The following CDH12 variants were observed in gnomAD, a reference collection of about 807,000 sequenced individuals.
The protein encoded by CDH12 is cadherin-12.
Under a neutral mutation model 74.1 loss-of-function variants are expected in CDH12, and 41 were observed. The ratio of observed to expected loss-of-function variants is 0.55; its 90% CI spans 0.43 to 0.72. CDH12 has a LOEUF of 0.72. Among genes scored for constraint, CDH12 ranks in the 30% least tolerant of loss-of-function variants. The pLI is 0.00. For synonymous variants in CDH12, 399 were observed against 355.0 expected (o/e 1.12, Z -1.39); for missense variants, 945 against 977.2 (o/e 0.97, Z 0.44).
chr5:22,773,033 G>A (rs1317478644), intron 1 of CDH12, among the ~76,000 whole-genome samples: 1 of 151,922 alleles, frequency 6.6e-6, no homozygotes. Flanking sequence ...AATACTCTAT[G>A]TTCATTGATT....
At chr5:22,759,737 A>C (rs938206180) in intron 1 of CDH12, among the ~76,000 whole-genome samples, 3 of 152,210 alleles carry the variant, frequency 2.0e-5, no homozygotes, top group African/African-American at 7.2e-5. Context: ...AGTTCTCCAG[A>C]TAAATAGAAA....
chr5:21,769,321 A>G (rs1010401325), intron 11 of CDH12, among the ~76,000 whole-genome samples: 2 of 152,116 alleles, frequency 1.3e-5, no homozygotes, highest in Non-Finnish European at 2.9e-5. Context: ...TAAAATGATT[A>G]TTGCTTAAAG....
intron 8 of CDH12, among the ~76,000 whole-genome samples, chr5:21,832,671 G>T (rs1288387330): frequency 6.8e-6 from 1 of 148,068 alleles, no homozygotes; most frequent in Non-Finnish European, 1.5e-5. Flanking sequence ...ATTCTCATGA[G>T]ATACACAATT....
At chr5:22,670,899 T>A (rs985125428) in intron 1 of CDH12, among the ~76,000 whole-genome samples, 2 of 152,106 alleles carry the variant, frequency 1.3e-5, no homozygotes, top group Non-Finnish European at 2.9e-5. Context: ...TTTTTTTTCT[T>A]TTAAAAATTC....
At chr5:22,658,420 T>C (rs936623412) in intron 1 of CDH12, among the ~76,000 whole-genome samples, 6 of 152,296 alleles carry the variant, frequency 3.9e-5, no homozygotes, top group Middle Eastern at 3.4e-3. Context: ...GTATATATTT[T>C]CTTCTATGCT....
chr5:22,631,880 A>C lies in CDH12; in HGVS notation c.-522-126516T>G, dbSNP rs551174963. Among the ~76,000 whole-genome samples the C allele has an allele frequency of 3.9e-5, 6 of 152,230 alleles. No homozygotes were observed. In the South Asian group the frequency reaches 1.2e-3, roughly 32 times the overall value. ...CCAGATCTTGTGAGAACTCTATCAC[A>C]AGACAGCACCAAGGGGTCGGTGTTA... On this transcript the variant is annotated intron_variant, in intron 1 of 14. Transcript: ENST00000382254.
intron 1 of CDH12, among the ~76,000 whole-genome samples, chr5:22,577,130 C>T (rs894052116): frequency 4.6e-5 from 7 of 152,116 alleles, no homozygotes; most frequent in African/African-American, 1.7e-4. Context: ...CAGAGACAGG[C>T]GGCTTGGGGA....
At chr5:22,634,600 G>T (rs115981434) in intron 1 of CDH12, among the ~76,000 whole-genome samples, 74 of 152,124 alleles carry the variant, frequency 4.9e-4, no homozygotes, top group African/African-American at 1.7e-3. Flanking sequence ...AAGCAAAAAT[G>T]GGCATAAATC....
chr5:22,576,290 C>A (rs1477972260), intron 1 of CDH12, among the ~76,000 whole-genome samples: 1 of 152,148 alleles, frequency 6.6e-6, no homozygotes, highest in East Asian at 1.9e-4. Context: ...ACCTTTCTCA[C>A]AATCCACAGA....
At chr5:22,409,441 C>G (rs544551932) in intron 2 of CDH12, among the ~76,000 whole-genome samples, 1 of 151,928 alleles carries the variant, frequency 6.6e-6, no homozygotes. Context: ...TTCTCCAATT[C>G]AAAACCAATT....
chr5:22,540,510 A>G (rs755807554), intron 1 of CDH12, among the ~76,000 whole-genome samples: 8 of 152,290 alleles, frequency 5.3e-5, no homozygotes, highest in Admixed American at 3.3e-4. Context: ...TTCTAAAGCT[A>G]TTTTTAATAC....
chr5:22,288,251 C>T lies in CDH12; in HGVS notation c.-332-75608G>A, dbSNP rs1737240783. 1.3e-5 allele frequency among the ~76,000 whole-genome samples: 2 copies of T among 151,984 alleles called. 1 individual carries two copies. The highest frequency in any genetic ancestry group is 2.9e-5 in the Non-Finnish European group (2 of 68,000). On this transcript the variant is annotated intron_variant, in intron 3 of 14. Coordinates refer to ENST00000382254, the MANE Select transcript of CDH12 (RefSeq NM_004061.5). Reference sequence around the variant, plus strand: ...TTCACTTGAAGATAGAGAACATGAGCAAAAATATACACTTATTGGAGTAAC... The same window carrying T: ...TTCACTTGAAGATAGAGAACATGAGTAAAAATATACACTTATTGGAGTAAC...
chr5:21,771,614 C>T (rs1264982251), intron 11 of CDH12, among the ~76,000 whole-genome samples: 2 of 151,992 alleles, frequency 1.3e-5, no homozygotes, highest in East Asian at 1.9e-4. Flanking sequence ...GAGACCAAGG[C>T]TCTTATTATA....
At chr5:21,808,510 C>T (rs1267739193) in intron 9 of CDH12, among the ~76,000 whole-genome samples, 1 of 151,624 alleles carries the variant, frequency 6.6e-6, no homozygotes, top group African/African-American at 2.4e-5. Context: ...GCAAATGATC[C>T]GAGGATGTAG....
intron 2 of CDH12, among the ~76,000 whole-genome samples, chr5:22,470,792 T>C (rs969562493): frequency 3.3e-5 from 5 of 151,872 alleles, no homozygotes; most frequent in Admixed American, 3.3e-4. Flanking sequence ...ATCTATATAT[T>C]AAAGCTTTTC....
At chr5:22,778,898 G>A (rs1747244255) in intron 1 of CDH12, among the ~76,000 whole-genome samples, 1 of 151,846 alleles carries the variant, frequency 6.6e-6, no homozygotes, top group Admixed American at 6.6e-5. Context: ...ACTGTTGAGT[G>A]GCTTTTAAAC....
At chr5:21,910,444 C>A (rs964591567) in intron 6 of CDH12, among the ~76,000 whole-genome samples, 1 of 152,040 alleles carries the variant, frequency 6.6e-6, no homozygotes, top group Non-Finnish European at 1.5e-5. Flanking sequence ...TTTCTCCCAG[C>A]CACTGTAAAA....
At chr5:22,502,635 T>C (rs1456295992) in intron 2 of CDH12, among the ~76,000 whole-genome samples, 1 of 147,108 alleles carries the variant, frequency 6.8e-6, no homozygotes. Context: ...AGCAGTCATC[T>C]TTACACACAC....
At position 22,574,114 on chromosome 5, in the gene CDH12, C is replaced by T. The variant is rs187941098; in HGVS notation, c.-522-68750G>A. ...TTTTTTTTTGAGATGGAGTCTCGCT[C>T]TGTCTCCTAGGCTGGAGTGCAGTGG... On this transcript the variant is annotated intron_variant, in intron 1 of 14. Coordinates refer to ENST00000382254, the MANE Select transcript of CDH12 (RefSeq NM_004061.5). Among the ~76,000 whole-genome samples the T allele has an allele frequency of 7.5e-5, 9 of 120,118 alleles. No individual in the cohort carries two copies. In the East Asian group the frequency reaches 2.1e-3, roughly 28 times the overall value. The allele number at this position is 120,118 out of a possible 152,430, so 78.8% of individuals were successfully genotyped here. A position where few individuals can be genotyped will look rare whatever the true frequency, so the allele number is the denominator to read the frequency against.
Sources: gnomAD v4.1 joint callset for allele counts (sites outside exome capture counted in the v4.1 genomes callset) on GRCh38, gnomAD v4.1.1 for gene constraint, MANE v1.5 for transcripts, NCBI Gene and HGNC (gene_info 2026-07-23, HGNC 2026-07-21) for gene names.